Variants in CLK1 observed in about 807,000 individuals in gnomAD.
The protein encoded by CLK1 is CDC like kinase 1.
Under a neutral mutation model 60.9 loss-of-function variants are expected in CLK1, and 40 were observed. That is an observed-to-expected ratio of 0.66 (90% CI 0.51 to 0.86). The LOEUF is 0.86. Among genes scored for constraint, CLK1 ranks in the 40% least tolerant of loss-of-function variants. The pLI is 0.00. For missense variants in CLK1, 563 were observed against 606.1 expected (o/e 0.93, Z 0.75); for synonymous variants, 203 against 184.4 (o/e 1.10, Z -0.82).
In CLK1 at chr2:200,853,393, T is replaced by C. The variant is rs373388201; in HGVS notation, c.1368A>G (p.Lys456=). 1.0e-4 allele frequency: 163 copies of C among 1,613,402 alleles called. No individual in the cohort carries two copies. Among genetic ancestry groups the C allele is most frequent in the Middle Eastern group, 1.6e-4 (1 of 6,062 alleles). ...TTTTGGCTGGATCATACTCCAACATTTTCTGAATGAGGTCAAAGAGACGCT... is the reference window on the plus strand; with the variant it reads ...TTTTGGCTGGATCATACTCCAACATCTTCTGAATGAGGTCAAAGAGACGCT... ...EHERLFDLIQ[K]MLEYDPAKRI... Residue 456 remains lysine, a synonymous_variant, in exon 13 of 13, where the codon AAA becomes AAG. Coordinates refer to ENST00000321356, the MANE Select transcript of CLK1 (RefSeq NM_004071.4).
intron 5 of CLK1, among the ~76,000 whole-genome samples, chr2:200,858,759 G>A (rs1298677224): frequency 1.3e-5 from 2 of 150,706 alleles, no homozygotes; most frequent in Admixed American, 6.6e-5. Context: ...ATCAATAGTA[G>A]GAAGCCCCCT....
intron 9 of CLK1, among the ~76,000 whole-genome samples, chr2:200,855,658 T>A (rs551504454): frequency 2.7e-5 from 4 of 148,604 alleles, no homozygotes; most frequent in African/African-American, 5.0e-5. Flanking sequence ...CACATATATA[T>A]GCAATGTGAT....
At chr2:200,859,805 A>T in intron 4 of CLK1, 59 bp from the exon 5 acceptor site, 1 of 1,598,838 alleles carries the variant, frequency 6.3e-7, no homozygotes. Flanking sequence ...TACTTATCAC[A>T]ATAAATGCTA....
chr2:200,858,117 G>C (rs895417420), intron 5 of CLK1, 28 bp from the exon 6 acceptor site: 2 of 1,385,628 alleles, frequency 1.4e-6, no homozygotes, highest in Admixed American at 1.7e-5. Flanking sequence ...GCAAATTTAA[G>C]AATGACAGAC....
intron 1 of CLK1, 115 bp downstream of exon 1, chr2:200,864,449 T>TTTG: frequency 3.7e-6 from 2 of 544,414 alleles, no homozygotes; most frequent in Non-Finnish European, 6.1e-6. Context: ...GAGCAGGCAG[T>TTTG]CGTCGCGCCG....
intron 9 of CLK1, among the ~76,000 whole-genome samples, chr2:200,855,538 T>C (rs566096976): frequency 5.9e-5 from 9 of 151,714 alleles, no homozygotes; most frequent in South Asian, 2.1e-4. Flanking sequence ...GGTGGGACAA[T>C]GGAGTGAACC....
intron 1 of CLK1, chr2:200,863,050 C>T (rs12478395): frequency 0.032 from 4,803 of 152,306 alleles, 151 homozygotes; most frequent in Admixed American, 0.075. Flanking sequence ...AATCTCTAAC[C>T]TAACAACTTG....
chr2:200,861,156 CAAAT>C (rs2039131152), intron 3 of CLK1, 78 bp downstream of exon 3: 5 of 1,539,670 alleles, frequency 3.2e-6, no homozygotes, highest in Non-Finnish European at 4.4e-6. Flanking sequence ...AAAACTTTCT[CAAAT>C]AATCAAACAC....
At chr2:200,856,089 C>G (rs1056406595) in intron 9 of CLK1, among the ~76,000 whole-genome samples, 2 of 151,466 alleles carry the variant, frequency 1.3e-5, no homozygotes, top group African/African-American at 4.9e-5. Context: ...AAACAATTTT[C>G]TGAGATGGAG....
chr2:200,859,938 G>A (rs991272613), intron 4 of CLK1, 187 bp downstream of exon 4: 1 of 1,430,774 alleles, frequency 7.0e-7, no homozygotes, highest in Non-Finnish European at 9.1e-7. Flanking sequence ...TGTTCTGGAA[G>A]TTCTATATAA....
intron 1 of CLK1, chr2:200,864,156 A>G: frequency 1.3e-6 from 2 of 1,551,292 alleles, no homozygotes; most frequent in Non-Finnish European, 1.7e-6. Flanking sequence ...GAACCCCAGC[A>G]AATCCCCCCT....
intron 10 of CLK1, 29 bp downstream of exon 10, chr2:200,854,975 C>G: frequency 6.5e-7 from 1 of 1,547,944 alleles, no homozygotes; most frequent in Non-Finnish European, 8.8e-7. Context: ...TTGTGCAAAG[C>G]AAGGTTGAAA....
At position 200,853,454 on chromosome 2, in the gene CLK1, A is replaced by G; in HGVS notation, c.1312-5T>C. ...ATCTTGAGAAAGCATAAATTCCTGG[A>G]AGAAAAAAAGAAATTCATTCAACAG... On this transcript the variant is annotated splice_region_variant and splice_polypyrimidine_tract_variant and intron_variant, in intron 12 of 12. Transcript: ENST00000321356. 1 of 1,600,982 alleles carries G rather than the reference A, an allele frequency of 6.2e-7. No individual in the cohort carries two copies. The highest frequency in any genetic ancestry group is 8.5e-7 in the Non-Finnish European group (1 of 1,176,936).
At position 200,856,693 on chromosome 2, in the gene CLK1, T is replaced by A; in HGVS notation, c.1046A>T (p.Glu349Val). Residue 349 changes from glutamate (E) to valine (V), a missense_variant, in exon 9 of 13, where the codon GAA becomes GTA. Physicochemically the swap from Glu to Val is moderately radical, Grantham distance 121. Transcript: ENST00000321356. ...LVSTRHYRAP[E>V]VILALGWSQP... is the part of the protein sequence containing the mutation. The stretch of plus-strand genomic sequence containing the variant: ...CAATTAATACTCACCTAAAATAACT[T>A]CAGGTGCTCTATAATGTCTTGTAGA... The A allele has an allele frequency of 6.3e-7, 1 of 1,583,310 alleles. No homozygotes were observed. The highest frequency in any genetic ancestry group is 8.6e-7 in the Non-Finnish European group (1 of 1,166,764).
intron 5 of CLK1, among the ~76,000 whole-genome samples, chr2:200,859,135 T>C (rs1025011310): frequency 6.6e-6 from 1 of 152,082 alleles, no homozygotes; most frequent in Admixed American, 6.5e-5. Context: ...TGAGCTGAGA[T>C]TGCGCCACTG....
At chr2:200,856,359 C>T (rs2039043828) in intron 9 of CLK1, among the ~76,000 whole-genome samples, 1 of 151,770 alleles carries the variant, frequency 6.6e-6, no homozygotes, top group African/African-American at 2.4e-5. Flanking sequence ...TGTGAGCCAC[C>T]GCGCCCCACC....
chr2:200,859,578 T>C (rs1210297445), intron 5 of CLK1, 102 bp downstream of exon 5: 2 of 820,748 alleles, frequency 2.4e-6, no homozygotes, highest in Non-Finnish European at 1.9e-6. Flanking sequence ...AAAAAGGGTA[T>C]AAAGATATGT....
intron 3 of CLK1, 25 bp downstream of exon 3, chr2:200,861,213 C>A: frequency 6.3e-7 from 1 of 1,599,830 alleles, no homozygotes; most frequent in South Asian, 1.1e-5. Flanking sequence ...ATAAAATTTC[C>A]AAAATGTTTT....
chr2:200,858,205 T>C, intron 5 of CLK1, 116 bp from the exon 6 acceptor site: 1 of 773,862 alleles, frequency 1.3e-6, no homozygotes, highest in Non-Finnish European at 2.3e-6. Context: ...AATTTATGGT[T>C]TAGTGTTCAG....
Sources: allele counts gnomAD v4.1 joint callset (sites outside exome capture counted in the v4.1 genomes callset), GRCh38; gene constraint gnomAD v4.1.1; transcripts MANE v1.5; gene names NCBI Gene and HGNC (gene_info 2026-07-23, HGNC 2026-07-21).